Variants in FMR1NB observed in about 807,000 individuals in gnomAD.
FMR1NB encodes FMR1 neighbor protein.
FMR1NB carries 10 observed loss-of-function variants against 16.8 expected under a neutral mutation model. That is an observed-to-expected ratio of 0.60 (90% CI 0.37 to 1.01). The LOEUF is 1.01. Ranked by LOEUF, FMR1NB falls within the 50% of genes least tolerant of loss-of-function variation. FMR1NB has a pLI of 0.01. For missense variants in FMR1NB, 205 were observed against 204.8 expected (o/e 1.00, Z 0.00); for synonymous variants, 83 against 79.1 (o/e 1.05, Z -0.26).
chrX:147,996,608 ATAATTTG>A (rs1238957381), intron 1 of FMR1NB, among the ~76,000 whole-genome samples: 6 of 111,254 alleles, frequency 5.4e-5, no homozygotes, highest in African/African-American at 2.0e-4. Flanking sequence ...CGGGGGCAAC[ATAATTTG>A]TAAAATGAAA....
intron 1 of FMR1NB, among the ~76,000 whole-genome samples, chrX:148,000,690 A>G (rs1327201831): frequency 1.8e-5 from 2 of 112,157 alleles, no homozygotes; most frequent in Non-Finnish European, 3.8e-5. Context: ...ATAACAACAG[A>G]AAATTTGTAG....
At chrX:147,999,019 T>C (rs1425554051) in intron 1 of FMR1NB, among the ~76,000 whole-genome samples, 1 of 111,691 alleles carries the variant, frequency 9.0e-6, no homozygotes, top group African/African-American at 3.3e-5. Context: ...ACCTAGAAAG[T>C]TTCCATCTGG....
intron 4 of FMR1NB, among the ~76,000 whole-genome samples, chrX:148,014,277 G>A (rs2044638927): frequency 9.0e-6 from 1 of 111,262 alleles, no homozygotes; most frequent in African/African-American, 3.3e-5. Context: ...GTATAGCATT[G>A]GCCTTAGGTA....
Position 148,020,690 on chromosome X carries a change from C to A in FMR1NB, c.633-4175C>A, listed in dbSNP as rs1043801877. Among the ~76,000 whole-genome samples, 105 of 111,740 alleles carry A rather than the reference C, an allele frequency of 9.4e-4. 1 individual carries two copies. The highest frequency in any genetic ancestry group is 3.4e-3 in the African/African-American group (103 of 30,649). ...TGTATCTAGAACTGTCATCTGTGAG[C>A]TAGGGCCTGAAAAGGGGACCTCTTG... On this transcript the variant is annotated intron_variant, in intron 4 of 5. Coordinates refer to ENST00000370467, the MANE Select transcript of FMR1NB (RefSeq NM_152578.3).
intron 1 of FMR1NB, among the ~76,000 whole-genome samples, chrX:147,992,813 AT>A (rs1175129763): frequency 1.4e-5 from 1 of 69,343 alleles, no homozygotes; most frequent in Non-Finnish European, 2.5e-5. Flanking sequence ...CACATCTCAG[AT>A]GATGGGTGGC....
chrX:148,025,007 A>G lies in FMR1NB; in HGVS notation c.*7A>G. On this transcript the variant is annotated 3_prime_UTR_variant, in exon 5 of 6. Coordinates refer to ENST00000370467, the MANE Select transcript of FMR1NB (RefSeq NM_152578.3). ...GGAACATGGTGACGAGTAGCAAGAG[A>G]CCAAAGGTAATTGACAATAGGATAT... The G allele has an allele frequency of 8.3e-7, 1 of 1,208,444 alleles. No individual in the cohort carries two copies.
rs764631 is a variant in FMR1NB at position 148,006,729 on chromosome X, C to T, written c.425C>T (p.Ala142Val). The change falls in exon 3 of 6, where the codon GCA becomes GTA. Residue 142 changes from alanine to valine, a missense_variant. Physicochemically the swap from Ala to Val is moderately conservative, Grantham distance 64 (BLOSUM62 0). Coordinates refer to ENST00000370467, the MANE Select transcript of FMR1NB (RefSeq NM_152578.3). ...TTCNLRENQV[A>V]KPCNELQDLS... ...TGCAATCTGAGGGAAAATCAGGTGG[C>T]AAAGCCTTGTAATGAGCTGCAAGAT... 452,348 of 1,200,604 alleles carry T rather than the reference C, an allele frequency of 0.38. 59,731 individuals are homozygous for T. The highest frequency in any genetic ancestry group is 0.74 in the East Asian group (24,757 of 33,542).
intron 4 of FMR1NB, among the ~76,000 whole-genome samples, chrX:148,012,550 AT>A (rs1173257124): frequency 2.4e-4 from 26 of 110,044 alleles, no homozygotes; most frequent in Admixed American, 8.7e-4. Context: ...TAAAATGTCT[AT>A]TTTTTTTTGA....
At chrX:148,025,516 G>A (rs2044699626) in intron 5 of FMR1NB, among the ~76,000 whole-genome samples, 1 of 111,488 alleles carries the variant, frequency 9.0e-6, no homozygotes, top group Non-Finnish European at 1.9e-5. Context: ...ATACACTAGG[G>A]ACTACTTTGT....
At chrX:147,998,562 C>T (rs1402544905) in intron 1 of FMR1NB, among the ~76,000 whole-genome samples, 2 of 112,062 alleles carry the variant, frequency 1.8e-5, no homozygotes, top group African/African-American at 6.5e-5. Flanking sequence ...ATGTAACAAA[C>T]CTGCACATTC....
At chrX:148,002,753 C>A (rs1211868337) in intron 1 of FMR1NB, among the ~76,000 whole-genome samples, 1 of 112,130 alleles carries the variant, frequency 8.9e-6, no homozygotes, top group African/African-American at 3.2e-5. Context: ...AAAACCAGTT[C>A]TTTAAAATAG....
chrX:148,015,781 G>C (rs1010271696), intron 4 of FMR1NB, among the ~76,000 whole-genome samples: 5 of 112,238 alleles, frequency 4.5e-5, no homozygotes, highest in Non-Finnish European at 9.4e-5. Flanking sequence ...GGGAAAGAAA[G>C]TGTATTCTGT....
intron 4 of FMR1NB, among the ~76,000 whole-genome samples, chrX:148,023,090 T>G (rs1451443901): frequency 9.0e-6 from 1 of 111,548 alleles, no homozygotes; most frequent in African/African-American, 3.3e-5. Flanking sequence ...TGTTTGATTA[T>G]GAGATGCTAC....
chrX:148,024,575 T>C (rs1370630294), intron 4 of FMR1NB, among the ~76,000 whole-genome samples: 1 of 111,686 alleles, frequency 9.0e-6, no homozygotes, highest in Non-Finnish European at 1.9e-5. Flanking sequence ...AAACTTACCA[T>C]TAAAGAGTGG....
chrX:147,989,022 A>C (rs1472552028), intron 1 of FMR1NB, among the ~76,000 whole-genome samples: 1 of 111,417 alleles, frequency 9.0e-6, no homozygotes, highest in Non-Finnish European at 1.9e-5. Flanking sequence ...CCCATTCTCT[A>C]TCCAGTTTTC....
intron 3 of FMR1NB, 48 bp from the exon 4 acceptor site, chrX:148,008,570 T>C (rs183868212): frequency 1.4e-5 from 16 of 1,130,189 alleles, no homozygotes; most frequent in African/African-American, 1.8e-5. Flanking sequence ...TTGGATTTAC[T>C]TCTCTTGCTT....
At chrX:148,004,412 C>G (rs782264423) in intron 2 of FMR1NB, among the ~76,000 whole-genome samples, 1 of 112,175 alleles carries the variant, frequency 8.9e-6, no homozygotes. Context: ...CCAAATATTT[C>G]TCCAACCTGG....
In FMR1NB at chrX:148,003,444, C is replaced by CTCTG. The variant is rs1458370848; in HGVS notation, c.397+125_397+128dup. 1.2e-5 allele frequency: 9 copies of CTCTG among 763,415 alleles called. No homozygotes were observed. In the African/African-American group the frequency reaches 1.7e-4, roughly 14 times the overall value. The allele number at this position is 763,415 out of a possible 1,213,427, so 62.9% of individuals were successfully genotyped here. A position where few individuals can be genotyped will look rare whatever the true frequency, so the allele number is the denominator to read the frequency against. On this transcript the variant is annotated intron_variant, in intron 2 of 5. Coordinates refer to ENST00000370467, the MANE Select transcript of FMR1NB (RefSeq NM_152578.3). ...GGACAGAGCTGAGTTTGAATCCTGG[C>CTCTG]TCTGCTCTTTGGCTTAGGCAAGACA... is the stretch of plus-strand genomic sequence containing the variant.
chrX:147,993,179 C>G (rs2044522702), intron 1 of FMR1NB, among the ~76,000 whole-genome samples: 1 of 113,130 alleles, frequency 8.8e-6, no homozygotes, highest in African/African-American at 3.2e-5. Flanking sequence ...CCTCGGGAGG[C>G]CGAGGTTGGC....
Sources: gnomAD v4.1 joint callset for allele counts (sites outside exome capture counted in the v4.1 genomes callset) on GRCh38, gnomAD v4.1.1 for gene constraint, MANE v1.5 for transcripts, NCBI Gene and HGNC (gene_info 2026-07-23, HGNC 2026-07-21) for gene names.